The following ZNF564 variants were observed in gnomAD, a reference collection of about 807,000 sequenced individuals.
The protein encoded by ZNF564 is zinc finger protein 564.
ZNF564 carries 5 observed loss-of-function variants against 10.5 expected under a neutral mutation model. The observed-to-expected ratio is 0.48, with a 90% CI of 0.25 to 1.00. The LOEUF (loss-of-function observed/expected upper bound fraction) is 1.00, where lower values mean the gene tolerates loss of function less well. Among genes scored for constraint, ZNF564 ranks in the 50% least tolerant of loss-of-function variants. The pLI, the probability that ZNF564 is intolerant of heterozygous loss-of-function variation, is 0.16. For synonymous variants in ZNF564, 242 were observed against 218.1 expected, an observed-to-expected ratio of 1.11 and a Z score of -0.97; for missense variants, 603 against 669.7, an observed-to-expected ratio of 0.90 and a Z score of 1.10.
At chr19:12,545,697 A>G (rs2022138391) in intron 1 of ZNF564, among the ~76,000 whole-genome samples, 1 of 152,340 alleles carries the variant, frequency 6.6e-6, no homozygotes, top group Middle Eastern at 3.4e-3. Flanking sequence ...ATAACTCAGG[A>G]ACAGGCAAAT....
At chr19:12,542,628 A>G (rs1379968176) in intron 1 of ZNF564, among the ~76,000 whole-genome samples, 1 of 137,732 alleles carries the variant, frequency 7.3e-6, no homozygotes. Flanking sequence ...CAAGGAAGAA[A>G]GGAAGGAAAG....
chr19:12,528,184 G>T, intron 3 of ZNF564, 120 bp downstream of exon 3: 3 of 1,049,894 alleles, frequency 2.9e-6, no homozygotes, highest in African/African-American at 1.6e-5. Context: ...TCTTTTTCTG[G>T]TGAAAAAGTT....
rs79885685 is a variant in ZNF564, at chr19:12,526,317, G to C, written c.*129C>G. On this transcript the variant is annotated 3_prime_UTR_variant, in exon 4 of 4. Transcript: ENST00000339282. Reference sequence around the variant, plus strand: ...CAAAATATGAGACAGGCACAGGATAGAGATTCCTATTCCAAAAGTGAGAAA... The same window carrying C: ...CAAAATATGAGACAGGCACAGGATACAGATTCCTATTCCAAAAGTGAGAAA... The C allele has an allele frequency of 2.4e-3, 2,271 of 965,778 alleles. 31 individuals are homozygous for C. The East Asian group carries it at 0.035, about 15-fold the overall frequency. The allele number at this position is 965,778 out of a possible 1,614,324, so 59.8% of individuals were successfully genotyped here.
At chr19:12,532,534 CAAA>C (rs35579003) in intron 1 of ZNF564, among the ~76,000 whole-genome samples, 45 of 39,242 alleles carry the variant, frequency 1.1e-3, no homozygotes, top group African/African-American at 4.0e-3. Context: ...GACTCCGTCT[CAAA>C]AAAAAAAAAA....
rs59299569 is a variant in ZNF564, at chr19:12,549,985, G to A, written c.3+1345C>T. 4.5e-3 allele frequency among the ~76,000 whole-genome samples: 687 copies of A among 152,222 alleles called. 9 individuals are homozygous for A. The highest frequency in any genetic ancestry group is 0.015 in the African/African-American group (617 of 41,534). Reference sequence around the variant, plus strand: ...CGGGGCTTAGGAAAGATAAAAGGAGGGGAAGCACAAAAATTTTTTTACCAC... The same window carrying A: ...CGGGGCTTAGGAAAGATAAAAGGAGAGGAAGCACAAAAATTTTTTTACCAC... On this transcript the variant is annotated intron_variant, in intron 1 of 3. Coordinates refer to ENST00000339282, the MANE Select transcript of ZNF564 (RefSeq NM_144976.4).
In ZNF564 at chr19:12,542,994, C is replaced by T. The variant is rs78442069; in HGVS notation, c.3+8336G>A. Among the ~76,000 whole-genome samples the T allele has an allele frequency of 7.8e-3, 1,171 of 149,832 alleles. 84 individuals are homozygous for T. In the East Asian group the frequency reaches 0.16, roughly 20 times the overall value. ...TCTGGCCTGGGCAATAAGAGAGAAA[C>T]TCCACCACAAAAAAGAAAAGAAGGG... On this transcript the variant is annotated intron_variant, in intron 1 of 3. Coordinates refer to ENST00000339282, the MANE Select transcript of ZNF564 (RefSeq NM_144976.4).
In ZNF564 at chr19:12,543,333, GAGGGGAAGGGGA is replaced by G. The variant is rs1006371038; in HGVS notation, c.3+7985_3+7996del. Reference sequence around the variant, plus strand: ...AAAAAAAAAAGAGAGAAGGGGAGGGGAGGGGAAGGGGAAGGGGAAGGGGAAGGGGAAAGGGAA... The same window carrying G: ...AAAAAAAAAAGAGAGAAGGGGAGGGGAGGGGAAGGGGAAGGGGAAAGGGAA... On this transcript the variant is annotated intron_variant, in intron 1 of 3. Transcript: ENST00000339282. Among the ~76,000 whole-genome samples, 14 of 143,568 alleles carry G rather than the reference GAGGGGAAGGGGA, an allele frequency of 9.8e-5. 1 individual carries two copies. Among genetic ancestry groups the G allele is most frequent in the South Asian group, 6.8e-4 (3 of 4,390 alleles). The allele number at this position is 143,568 out of a possible 152,430, so 94.2% of individuals were successfully genotyped here. A position where few individuals can be genotyped will look rare whatever the true frequency, so the allele number is the denominator to read the frequency against.
At chr19:12,530,168 C>G (rs1363661212) in intron 1 of ZNF564, 3 of 152,206 alleles carry the variant, frequency 2.0e-5, no homozygotes, top group African/African-American at 7.2e-5. Context: ...TCCAGCTGAC[C>G]ACACTTTCCT....
At chr19:12,550,579 C>T (rs1482049621) in intron 1 of ZNF564, 1 of 206,272 alleles carries the variant, frequency 4.8e-6, no homozygotes, top group Non-Finnish European at 1.1e-5. Context: ...TTGCTTGAAC[C>T]CGGAAGGCGA....
intron 1 of ZNF564, among the ~76,000 whole-genome samples, chr19:12,548,485 G>A (rs111842068): frequency 6.6e-6 from 1 of 152,130 alleles, no homozygotes; most frequent in East Asian, 1.9e-4. Context: ...AAAGTGCTGG[G>A]ATTAAAGGCG....
chr19:12,528,288 TG>T lies in ZNF564; in HGVS notation c.191+15del. The stretch of plus-strand genomic sequence containing the variant: ...CTAAGAAGGAGACATTGCTTTATCT[TG>T]TCAGTGCAAATTACCTTAAAATTCT... On this transcript the variant is annotated intron_variant, in intron 3 of 3. Coordinates refer to ENST00000339282, the MANE Select transcript of ZNF564 (RefSeq NM_144976.4). The T allele has an allele frequency of 6.2e-7, 1 of 1,604,102 alleles. No individual in the cohort carries two copies. Among genetic ancestry groups the T allele is most frequent in the South Asian group, 1.1e-5 (1 of 89,228 alleles).
Position 12,527,604 on chromosome 19 carries a change from G to C in ZNF564, c.504C>G (p.Pro168=). ...RHERTHTGEK[P]YACPECGKAF... ...CTTTCCCACATTCCGGACATGCATAGGGTTTCTCACCAGTGTGAGTTCTTT... is the reference window on the plus strand; with the variant it reads ...CTTTCCCACATTCCGGACATGCATACGGTTTCTCACCAGTGTGAGTTCTTT... The change falls in exon 4 of 4, where the codon CCC becomes CCG. Residue 168 remains proline (P), a synonymous_variant. Coordinates refer to ENST00000339282, the MANE Select transcript of ZNF564 (RefSeq NM_144976.4). 1.9e-6 allele frequency: 3 copies of C among 1,614,134 alleles called. No individual in the cohort carries two copies. Among genetic ancestry groups the C allele is most frequent in the Non-Finnish European group, 1.7e-6 (2 of 1,180,022 alleles).
At chr19:12,538,993 C>T (rs924344284) in intron 1 of ZNF564, among the ~76,000 whole-genome samples, 4 of 149,314 alleles carry the variant, frequency 2.7e-5, no homozygotes, top group African/African-American at 7.4e-5. Flanking sequence ...TTTGGGAGGT[C>T]GAGGCAGGTG....
At chr19:12,538,400 T>A (rs1162731335) in intron 1 of ZNF564, among the ~76,000 whole-genome samples, 1 of 150,784 alleles carries the variant, frequency 6.6e-6, no homozygotes. Flanking sequence ...CCAAGGTGGG[T>A]GGATCACGAG....
Position 12,527,484 on chromosome 19 carries a change from G to A in ZNF564, c.624C>T (p.Arg208=). ...KCQECGKAFD[R]PSLFQIHERT... is the part of the protein sequence containing the mutation. ...TTTCATGTATCTGAAATAAACTTGG[G>A]CGATCAAAGGCTTTCCCACATTCCT... Residue 208 remains arginine, a synonymous_variant, in exon 4 of 4, where the codon CGC becomes CGT. Coordinates refer to ENST00000339282, the MANE Select transcript of ZNF564 (RefSeq NM_144976.4). 1 of 1,613,480 alleles carries A rather than the reference G, an allele frequency of 6.2e-7. No homozygotes were observed.
chr19:12,538,425 A>G (rs1209620572), intron 1 of ZNF564, among the ~76,000 whole-genome samples: 2 of 152,006 alleles, frequency 1.3e-5, no homozygotes, highest in African/African-American at 2.4e-5. Flanking sequence ...GGAGTTAAAC[A>G]CTAGCCTGGA....
chr19:12,547,355 G>A (rs1185187590), intron 1 of ZNF564, among the ~76,000 whole-genome samples: 1 of 152,068 alleles, frequency 6.6e-6, no homozygotes, highest in African/African-American at 2.4e-5. Context: ...ACTTCCACCA[G>A]AAAAGCCTTT....
chr19:12,548,825 G>C (rs1478608230), intron 1 of ZNF564: 1 of 702,846 alleles, frequency 1.4e-6, no homozygotes. Flanking sequence ...CAGATGAAAG[G>C]ATACAGAACA....
chr19:12,543,338 GAA>G (rs2022094106), intron 1 of ZNF564, among the ~76,000 whole-genome samples: 1 of 135,312 alleles, frequency 7.4e-6, no homozygotes. Context: ...GAGGGGAGGG[GAA>G]GGGGAAGGGG....
Sources: allele counts gnomAD v4.1 joint callset (sites outside exome capture counted in the v4.1 genomes callset), GRCh38; gene constraint gnomAD v4.1.1; transcripts MANE v1.5; gene names NCBI Gene and HGNC (gene_info 2026-07-23, HGNC 2026-07-21).